SIK2: variants seen among roughly 807,000 people sequenced by gnomAD.
SIK2 encodes the protein serine/threonine-protein kinase SIK2.
In SIK2, 29 loss-of-function variants were observed where a neutral mutation model predicts 103.2. That is an observed-to-expected ratio of 0.28 (90% CI 0.21 to 0.38). The LOEUF (loss-of-function observed/expected upper bound fraction) is 0.38, where lower values mean the gene tolerates loss of function less well. Among genes scored for constraint, SIK2 ranks in the 10% least tolerant of loss-of-function variants. The probability of loss-of-function intolerance (pLI) is 1.00; values close to 1 mark genes in which losing one functional copy is unlikely to be tolerated. For synonymous variants in SIK2, 412 were observed against 446.1 expected (o/e 0.92, Z 0.96); for missense variants, 879 against 1,171.0 (o/e 0.75, Z 3.64).
At chr11:111,697,358 C>T (rs1943101164) in intron 4 of SIK2, among the ~76,000 whole-genome samples, 1 of 152,190 alleles carries the variant, frequency 6.6e-6, no homozygotes, top group South Asian at 2.1e-4. Flanking sequence ...AGATGATATG[C>T]TGAGAGCTGG....
intron 6 of SIK2, among the ~76,000 whole-genome samples, chr11:111,702,320 T>C (rs1943230216): frequency 6.6e-6 from 1 of 152,204 alleles, no homozygotes; most frequent in Non-Finnish European, 1.5e-5. Flanking sequence ...TGCAGTGGTT[T>C]ATACCTGTAA....
chr11:111,692,422 G>C (rs964286565), intron 4 of SIK2, among the ~76,000 whole-genome samples: 26 of 137,076 alleles, frequency 1.9e-4, no homozygotes, highest in African/African-American at 6.6e-4. Flanking sequence ...GAGAGATAGA[G>C]ATCGAGGCTG....
intron 9 of SIK2, among the ~76,000 whole-genome samples, chr11:111,716,880 C>T (rs1288345780): frequency 1.3e-5 from 2 of 152,078 alleles, no homozygotes; most frequent in Non-Finnish European, 2.9e-5. Context: ...TGCAATCTAT[C>T]CATCTGACAA....
chr11:111,713,451 A>G (rs1943556126), intron 9 of SIK2, among the ~76,000 whole-genome samples: 1 of 152,186 alleles, frequency 6.6e-6, no homozygotes, highest in East Asian at 1.9e-4. Flanking sequence ...TAAAAGGAGA[A>G]CACCAACTTT....
Position 111,688,077 on chromosome 11 carries a change from T to C in SIK2, c.393T>C (p.Asp131=). The part of the protein sequence containing the change: ...RKFWQILSAV[D]YCHGRKIVHR... ...TCTGGCAAATCCTGTCTGCTGTTGA[T>C]TATTGTCATGGTCGGAAGATTGTGC... The change falls in exon 4 of 15, where the codon GAT becomes GAC. Residue 131 remains aspartate, a synonymous_variant. Transcript: ENST00000304987. The surrounding 1 kb of genome is among the most constrained non-coding windows in gnomAD (Gnocchi z 4.2). 1 of 1,614,170 alleles carries C rather than the reference T, an allele frequency of 6.2e-7. No homozygotes were observed. Among genetic ancestry groups the C allele is most frequent in the Non-Finnish European group, 8.5e-7 (1 of 1,180,032 alleles).
intron 3 of SIK2, among the ~76,000 whole-genome samples, chr11:111,649,984 C>A (rs1303037848): frequency 2.0e-5 from 3 of 152,074 alleles, no homozygotes; most frequent in East Asian, 1.9e-4. Context: ...CTAATTAACA[C>A]AAATTTGAGT....
chr11:111,724,797 C>T lies in SIK2; in HGVS notation c.*668C>T, dbSNP rs1028394760. 1 of 152,602 alleles carries T rather than the reference C, an allele frequency of 6.6e-6. No homozygotes were observed. Among genetic ancestry groups the T allele is most frequent in the Non-Finnish European group, 1.5e-5 (1 of 68,358 alleles). 9.5% of individuals were successfully genotyped at this position (152,602 alleles called of 1,614,324 possible). On this transcript the variant is annotated 3_prime_UTR_variant, in exon 15 of 15. Transcript: ENST00000304987. ...TTCGGAAGCAGGTGACACACCCCTT[C>T]AGAAGGTGCCCTGGGTTGCCGAGTG...
intron 3 of SIK2, among the ~76,000 whole-genome samples, chr11:111,631,951 C>T (rs180755051): frequency 6.6e-6 from 1 of 152,196 alleles, no homozygotes; most frequent in East Asian, 1.9e-4. Context: ...TATTTTTGTT[C>T]AGTTAATTAT....
intron 3 of SIK2, among the ~76,000 whole-genome samples, chr11:111,624,074 T>C (rs1305131993): frequency 6.6e-6 from 1 of 152,234 alleles, no homozygotes; most frequent in Non-Finnish European, 1.5e-5. Flanking sequence ...TTGTTGAAGA[T>C]GGGAAGGTTG....
chr11:111,695,859 TTGTG>T (rs1222742128), intron 4 of SIK2, among the ~76,000 whole-genome samples: 2 of 152,248 alleles, frequency 1.3e-5, no homozygotes, highest in Non-Finnish European at 2.9e-5. Context: ...TCCTAAAACA[TTGTG>T]CCTTTGCTAA....
Position 111,602,509 on chromosome 11 carries a change from C to G in SIK2, c.-55C>G. On this transcript the variant is annotated 5_prime_UTR_variant, in exon 1 of 15. Coordinates refer to ENST00000304987, the MANE Select transcript of SIK2 (RefSeq NM_015191.3). This position sits in a 1 kb window ranked among gnomAD's most constrained non-coding sequence, Gnocchi z 4.5. ...CGTCGCCCAAGCCAAGCCGCGCTGCCAACCCTCCCGCCCGCCCGCGCTCCT... is the reference window on the plus strand; with the variant it reads ...CGTCGCCCAAGCCAAGCCGCGCTGCGAACCCTCCCGCCCGCCCGCGCTCCT... 7.1e-7 allele frequency: 1 copy of G among 1,418,120 alleles called. No homozygotes were observed. The highest frequency in any genetic ancestry group is 9.2e-7 in the Non-Finnish European group (1 of 1,088,138). The allele number at this position is 1,418,120 out of a possible 1,614,324, so 87.8% of individuals were successfully genotyped here. A position where few individuals can be genotyped will look rare whatever the true frequency, so the allele number is the denominator to read the frequency against.
At chr11:111,671,518 TG>T in intron 3 of SIK2, 1 of 308,064 alleles carries the variant, frequency 3.2e-6, no homozygotes, top group Non-Finnish European at 6.2e-6. Flanking sequence ...AGATAGCTCC[TG>T]CAACTCCTCA....
intron 3 of SIK2, among the ~76,000 whole-genome samples, chr11:111,628,441 TC>T (rs1941991984): frequency 6.7e-6 from 1 of 149,884 alleles, no homozygotes; most frequent in African/African-American, 2.4e-5. Context: ...TTTCTTTCTT[TC>T]TTTCTTTCTT....
At chr11:111,636,545 G>A (rs1254792636) in intron 3 of SIK2, among the ~76,000 whole-genome samples, 5 of 152,168 alleles carry the variant, frequency 3.3e-5, no homozygotes, top group African/African-American at 9.7e-5. Context: ...GAAAATATGT[G>A]ATGTCAGTGT....
At chr11:111,691,977 G>C (rs1276724694) in intron 4 of SIK2, among the ~76,000 whole-genome samples, 5 of 152,118 alleles carry the variant, frequency 3.3e-5, no homozygotes, top group Non-Finnish European at 7.4e-5. Flanking sequence ...CTGTCTGGAA[G>C]AATCAGGGAA....
chr11:111,659,369 C>A (rs969098631), intron 3 of SIK2, among the ~76,000 whole-genome samples: 1 of 152,152 alleles, frequency 6.6e-6, no homozygotes, highest in South Asian at 2.1e-4. Context: ...CACACGCAAC[C>A]CAACTCTTGT....
At chr11:111,646,882 G>T (rs1942264483) in intron 3 of SIK2, among the ~76,000 whole-genome samples, 1 of 152,138 alleles carries the variant, frequency 6.6e-6, no homozygotes. Flanking sequence ...TATTTTGGTA[G>T]TTTTCAGTTT....
rs566045330 is a variant in SIK2 at position 111,651,466 on chromosome 11, G to A, written c.316+31064G>A. On this transcript the variant is annotated intron_variant, in intron 3 of 14. Transcript: ENST00000304987. ...AAACACCACATGTTCTCACTTATAA[G>A]TGGGAGCTGAACAATGAGAACACAA... 1.5e-3 allele frequency among the ~76,000 whole-genome samples: 225 copies of A among 152,284 alleles called. 2 individuals carry two copies. The highest frequency in any genetic ancestry group is 5.2e-3 in the African/African-American group (218 of 41,562).
chr11:111,687,615 CT>C (rs202007530), intron 3 of SIK2, among the ~76,000 whole-genome samples: 21 of 98,874 alleles, frequency 2.1e-4, no homozygotes, highest in African/African-American at 1.7e-4. Flanking sequence ...AAAAAAAAAA[CT>C]TTTTTTTTTG....
Sources: gnomAD v4.1 joint callset for allele counts (sites outside exome capture counted in the v4.1 genomes callset) on GRCh38, gnomAD v4.1.1 for gene constraint, Gnocchi (gnomAD v3.1) non-coding constraint, MANE v1.5 for transcripts, NCBI Gene and HGNC (gene_info 2026-07-23, HGNC 2026-07-21) for gene names.